The following LARGE1 variants were observed in gnomAD, a reference collection of about 807,000 sequenced individuals.
LARGE1 encodes the protein xylosyl- and glucuronyltransferase LARGE1.
A neutral mutation model predicts 87.6 loss-of-function variants in LARGE1; 43 were observed. That is an observed-to-expected ratio of 0.49 (90% confidence interval 0.38 to 0.63). LARGE1 has a LOEUF of 0.63. LARGE1 is among the 30% of genes least tolerant of loss of function. LARGE1 has a pLI of 0.00. For missense variants in LARGE1, 802 were observed against 1,000.2 expected, an observed-to-expected ratio of 0.80 and a Z score of 2.67; for synonymous variants, 434 against 394.6, an observed-to-expected ratio of 1.10 and a Z score of -1.18.
chr22:33,274,448 G>C lies in LARGE1; in HGVS notation c.2250C>G (p.Leu750=). ...GGTGCTAGCTGTTGTTCTCGGCTGTGAGATATTTCAGGGCAGCAAAGCCGT... is the reference window on the plus strand; with the variant it reads ...GGTGCTAGCTGTTGTTCTCGGCTGTCAGATATTTCAGGGCAGCAAAGCCGT... ...RRYGFAALKY[L]TAENNS Residue 750 remains leucine (L), a synonymous_variant, in exon 15 of 15, where the codon CTC becomes CTG. Coordinates refer to ENST00000397394, the MANE Select transcript of LARGE1 (RefSeq NM_133642.5). The C allele has an allele frequency of 6.2e-7, 1 of 1,614,228 alleles. No individual in the cohort carries two copies. The highest frequency in any genetic ancestry group is 8.5e-7 in the Non-Finnish European group (1 of 1,180,038).
At chr22:33,210,166 C>T (rs1302001851) in intron 11 of LARGE1, among the ~76,000 whole-genome samples, 1 of 152,224 alleles carries the variant, frequency 6.6e-6, no homozygotes, top group Non-Finnish European at 1.5e-5. Flanking sequence ...AGGAGGCTGT[C>T]GCTTTCCATT....
intron 7 of LARGE1, among the ~76,000 whole-genome samples, chr22:33,393,169 A>G (rs2065593847): frequency 6.6e-6 from 1 of 152,276 alleles, no homozygotes; most frequent in Non-Finnish European, 1.5e-5. Context: ...AGCTTATAAG[A>G]CAATCTGCCA....
chr22:33,327,254 A>G (rs989104022), intron 10 of LARGE1, among the ~76,000 whole-genome samples: 1 of 152,088 alleles, frequency 6.6e-6, no homozygotes, highest in African/African-American at 2.4e-5. Flanking sequence ...TCCTCTTAGC[A>G]GGCTTAGTGT....
At chr22:33,130,424 A>G in the LARGE1 span, among the ~76,000 whole-genome samples, 1 of 150,782 alleles carries the variant, frequency 6.6e-6, no homozygotes, top group Non-Finnish European at 1.5e-5. Context: ...CAGGAGGAGG[A>G]GGTTGCAGTG....
At chr22:33,129,759 T>G in the LARGE1 span, among the ~76,000 whole-genome samples, 70 of 152,060 alleles carry the variant, frequency 4.6e-4, no homozygotes, top group African/African-American at 1.6e-3. Flanking sequence ...ATGGATTGAG[T>G]GCAGGCAGAG....
chr22:33,512,897 C>A (rs929359675), intron 6 of LARGE1, among the ~76,000 whole-genome samples: 1 of 152,122 alleles, frequency 6.6e-6, no homozygotes, highest in African/African-American at 2.4e-5. Context: ...TTCAACATAC[C>A]CTGTGATGCT....
intron 1 of LARGE1, among the ~76,000 whole-genome samples, chr22:33,814,513 G>T (rs2086592248): frequency 6.6e-6 from 1 of 152,186 alleles, no homozygotes. Context: ...TTAAGTAAAA[G>T]AGTCTATCCT....
At chr22:33,619,224 C>T (rs966423678) in intron 4 of LARGE1, among the ~76,000 whole-genome samples, 5 of 152,128 alleles carry the variant, frequency 3.3e-5, no homozygotes, top group Non-Finnish European at 7.3e-5. Context: ...ATCACAACGT[C>T]TACACTATCA....
intron 2 of LARGE1, among the ~76,000 whole-genome samples, chr22:33,694,856 T>C (rs2082197515): frequency 6.6e-6 from 1 of 152,164 alleles, no homozygotes; most frequent in Non-Finnish European, 1.5e-5. Context: ...GCACTGACTT[T>C]GGGGGCATGA....
At chr22:33,640,766 A>G (rs954885794) in intron 3 of LARGE1, among the ~76,000 whole-genome samples, 4 of 152,116 alleles carry the variant, frequency 2.6e-5, no homozygotes, top group African/African-American at 7.2e-5. Flanking sequence ...CGTCCACCAT[A>G]CTGAGGCCTG....
At chr22:33,174,646 A>G (rs1228863804) in intron 11 of LARGE1, among the ~76,000 whole-genome samples, 3 of 152,200 alleles carry the variant, frequency 2.0e-5, no homozygotes. Context: ...CACAATAAAA[A>G]TGAGAAAGGG....
chr22:33,089,184 G>T, the LARGE1 span, among the ~76,000 whole-genome samples: 622 of 152,246 alleles, frequency 4.1e-3, 14 homozygotes, highest in Admixed American at 0.036. Flanking sequence ...AACTCTTCTT[G>T]CTGACTTTGA....
rs552073371 is a variant in LARGE1 at position 33,273,077 on chromosome 22, G to A, written c.*1350C>T. 5.9e-5 allele frequency: 13 copies of A among 220,776 alleles called. No individual in the cohort carries two copies. In the South Asian group the frequency reaches 2.4e-3, roughly 41 times the overall value. The allele number at this position is 220,776 out of a possible 1,614,324, so 13.7% of individuals were successfully genotyped here. Reference sequence around the variant, plus strand: ...CTTCCTGCAAGAGTGGGAGGGGAATGGGGAAGAAACAGTCTGTACTTTCAT... The same window carrying A: ...CTTCCTGCAAGAGTGGGAGGGGAATAGGGAAGAAACAGTCTGTACTTTCAT... On this transcript the variant is annotated 3_prime_UTR_variant, in exon 15 of 15. Transcript: ENST00000397394.
At chr22:33,271,546 A>C (rs1378711055), downstream of LARGE1, among the ~76,000 whole-genome samples, 2 of 152,212 alleles carry the variant, frequency 1.3e-5, no homozygotes, top group African/African-American at 4.8e-5. Flanking sequence ...CCTTCCTCTC[A>C]ACTGAAAGCC....
At chr22:33,566,350 T>G (rs1259239037) in intron 5 of LARGE1, among the ~76,000 whole-genome samples, 2 of 152,218 alleles carry the variant, frequency 1.3e-5, no homozygotes, top group Non-Finnish European at 2.9e-5. Context: ...AAAAGCAAGC[T>G]TTAAAACTGC....
At chr22:33,454,098 G>GTGTATGCATCAT (rs1269087636) in intron 6 of LARGE1, among the ~76,000 whole-genome samples, 2 of 152,158 alleles carry the variant, frequency 1.3e-5, no homozygotes, top group African/African-American at 2.4e-5. Flanking sequence ...TCTCTGAGTT[G>GTGTATGCATCAT]TGTATGCATC....
chr22:33,665,595 AAAG>A (rs2081245648), intron 2 of LARGE1, among the ~76,000 whole-genome samples: 1 of 152,184 alleles, frequency 6.6e-6, no homozygotes, highest in African/African-American at 2.4e-5. Flanking sequence ...TCCCCATTTT[AAAG>A]AAGCAGAAAC....
intron 6 of LARGE1, among the ~76,000 whole-genome samples, chr22:33,446,473 G>C (rs117863037): frequency 1.3e-5 from 2 of 152,178 alleles, no homozygotes; most frequent in African/African-American, 4.8e-5. Flanking sequence ...TCTTAAGCCC[G>C]TGCAGCCTGA....
intron 6 of LARGE1, among the ~76,000 whole-genome samples, chr22:33,556,887 T>C (rs1339861007): frequency 6.6e-6 from 1 of 151,958 alleles, no homozygotes; most frequent in East Asian, 1.9e-4. Context: ...ACGCCTGTAG[T>C]CCCAGCTACT....
Sources: allele counts gnomAD v4.1 joint callset (sites outside exome capture counted in the v4.1 genomes callset), GRCh38; gene constraint gnomAD v4.1.1; transcripts MANE v1.5; gene names NCBI Gene and HGNC (gene_info 2026-07-23, HGNC 2026-07-21).